The following LOC400499 variants were observed in gnomAD, a reference collection of about 807,000 sequenced individuals.
chr16:11,448,513 CT>C, the LOC400499 span, among the ~76,000 whole-genome samples: 6 of 142,830 alleles, frequency 4.2e-5, no homozygotes, highest in South Asian at 1.3e-3. Context: ...CTCGTGTCTG[CT>C]AAAACAAACA....
chr16:11,431,971 C>T, the LOC400499 span, among the ~76,000 whole-genome samples: 7 of 152,230 alleles, frequency 4.6e-5, no homozygotes, highest in African/African-American at 1.7e-4. Flanking sequence ...CACATGAATG[C>T]TGCCTCTTGG....
the LOC400499 span, chr16:11,384,351 C>T: frequency 1.7e-5 from 20 of 1,194,356 alleles, no homozygotes; most frequent in African/African-American, 6.3e-5. Flanking sequence ...AAGCGGAGGC[C>T]GGCCGTAAGA....
chr16:11,482,327 G>C, the LOC400499 span, among the ~76,000 whole-genome samples: 58 of 152,310 alleles, frequency 3.8e-4, no homozygotes, highest in Middle Eastern at 3.4e-3. Flanking sequence ...CTGGCAGCTG[G>C]ACTTTGCAGG....
chr16:11,396,467 G>A, the LOC400499 span: 2 of 1,231,558 alleles, frequency 1.6e-6, no homozygotes, highest in Non-Finnish European at 2.0e-6. Context: ...AGGGATGCCG[G>A]GATATCTTTC....
At chr16:11,477,073 C>A in the LOC400499 span, 2 of 399,578 alleles carry the variant, frequency 5.0e-6, no homozygotes, top group Non-Finnish European at 8.8e-6. Flanking sequence ...CCACTGCCAC[C>A]CACAGGCTGT....
chr16:11,482,028 T>G, the LOC400499 span, among the ~76,000 whole-genome samples: 67 of 152,300 alleles, frequency 4.4e-4, no homozygotes, highest in African/African-American at 1.6e-3. Flanking sequence ...ATATAAAGTT[T>G]ACAAAAGGAA....
At chr16:11,442,154 G>C in the LOC400499 span, 1 of 152,184 alleles carries the variant, frequency 6.6e-6, no homozygotes, top group Non-Finnish European at 1.5e-5. Context: ...CCAAGATGGA[G>C]GAAGAGAAAT....
the LOC400499 span, among the ~76,000 whole-genome samples, chr16:11,524,388 C>T: frequency 1.5e-5 from 2 of 134,998 alleles, no homozygotes; most frequent in Non-Finnish European, 3.1e-5. Flanking sequence ...GTCTCCTATC[C>T]ATCCAAGTGA....
chr16:11,431,197 T>C, the LOC400499 span: 1 of 398,960 alleles, frequency 2.5e-6, no homozygotes, highest in East Asian at 3.6e-5. Flanking sequence ...TGCTGTGTTC[T>C]GGTCCAGCAG....
At chr16:11,404,884 C>T in the LOC400499 span, 112 of 398,846 alleles carry the variant, frequency 2.8e-4, no homozygotes, top group African/African-American at 1.9e-3. Flanking sequence ...AGAATGACGG[C>T]GTCATGGGGG....
At chr16:11,431,363 C>T in the LOC400499 span, 1 of 397,638 alleles carries the variant, frequency 2.5e-6, no homozygotes, top group Admixed American at 4.4e-5. Flanking sequence ...TCAGTTTCTC[C>T]TTCTGCAAAG....
the LOC400499 span, among the ~76,000 whole-genome samples, chr16:11,404,236 T>G: frequency 1.3e-5 from 2 of 152,158 alleles, no homozygotes; most frequent in Non-Finnish European, 2.9e-5. Context: ...TGACGTTATT[T>G]TGCTTATGTG....
chr16:11,380,815 G>A, the LOC400499 span: 1 of 152,196 alleles, frequency 6.6e-6, no homozygotes, highest in East Asian at 1.9e-4. Flanking sequence ...GTTGATGGCT[G>A]ACGTAGCGGA....
the LOC400499 span, chr16:11,391,673 C>G: frequency 8.1e-7 from 1 of 1,232,226 alleles, no homozygotes; most frequent in Non-Finnish European, 1.0e-6. Context: ...TACATTCCAG[C>G]TCCTCCCGCA....
At chr16:11,377,743 C>G in the LOC400499 span, among the ~76,000 whole-genome samples, 1 of 152,210 alleles carries the variant, frequency 6.6e-6, no homozygotes. Flanking sequence ...CTGTATTTAT[C>G]AGGAACATTG....
the LOC400499 span, among the ~76,000 whole-genome samples, chr16:11,432,069 G>A: frequency 6.6e-6 from 1 of 152,172 alleles, no homozygotes; most frequent in African/African-American, 2.4e-5. Context: ...GAGAGAGGGG[G>A]ATGCACATGG....
At chr16:11,377,564 A>C in the LOC400499 span, among the ~76,000 whole-genome samples, 211 of 152,354 alleles carry the variant, frequency 1.4e-3, 1 homozygote, top group African/African-American at 4.7e-3. Flanking sequence ...TAACTGAAAT[A>C]GTCATGTGTT....
the LOC400499 span, among the ~76,000 whole-genome samples, chr16:11,446,007 T>A: frequency 6.6e-6 from 1 of 151,838 alleles, no homozygotes; most frequent in Non-Finnish European, 1.5e-5. Flanking sequence ...ATATTTTTAG[T>A]AGAGACAGGG....
At chr16:11,431,150 CT>C in the LOC400499 span, 12 of 398,908 alleles carry the variant, frequency 3.0e-5, no homozygotes, top group Non-Finnish European at 4.9e-5. Flanking sequence ...AGGATCCGGC[CT>C]CCCCTCCATT....
Sources: gnomAD v4.1 joint callset for allele counts (sites outside exome capture counted in the v4.1 genomes callset) on GRCh38, gnomAD v4.1.1 for gene constraint, MANE v1.5 for transcripts.